The following NTM variants were observed in gnomAD, a reference collection of about 807,000 sequenced individuals.
NTM encodes the protein neurotrimin.
NTM carries 13 observed loss-of-function variants against 42.1 expected under a neutral mutation model. That is an observed-to-expected ratio of 0.31 (90% CI 0.20 to 0.49). NTM has a LOEUF of 0.49. NTM is among the 20% of genes least tolerant of loss of function. The pLI is 0.99. For missense variants in NTM, 373 were observed against 452.8 expected (o/e 0.82, Z 1.60); for synonymous variants, 187 against 179.2 (o/e 1.04, Z -0.35).
intron 4 of NTM, among the ~76,000 whole-genome samples, chr11:132,274,919 T>G (rs1174056451): frequency 6.6e-6 from 1 of 152,168 alleles, no homozygotes; most frequent in Admixed American, 6.5e-5. Flanking sequence ...GATAGTTCTT[T>G]GCCCATTTTC....
intron 1 of NTM, chr11:131,671,665 T>G: frequency 1.9e-5 from 18 of 935,626 alleles, no homozygotes; most frequent in Non-Finnish European, 2.3e-5. Context: ...CTCAGCGGTA[T>G]AGGAAGCAGA....
intron 1 of NTM, among the ~76,000 whole-genome samples, chr11:131,630,159 C>G (rs556712180): frequency 6.6e-6 from 1 of 152,122 alleles, no homozygotes; most frequent in Non-Finnish European, 1.5e-5. Context: ...CAAAGGAGGT[C>G]GGGCCATGGT....
intron 4 of NTM, among the ~76,000 whole-genome samples, chr11:132,304,188 T>C (rs2094983271): frequency 6.6e-6 from 1 of 152,220 alleles, no homozygotes; most frequent in Non-Finnish European, 1.5e-5. Flanking sequence ...GAGCCATTTC[T>C]AGTGTCTGAA....
At chr11:131,932,714 G>A (rs1011253175) in intron 2 of NTM, among the ~76,000 whole-genome samples, 2 of 152,218 alleles carry the variant, frequency 1.3e-5, no homozygotes, top group Non-Finnish European at 2.9e-5. Flanking sequence ...TCATCAGTAT[G>A]TGCTGAAAAG....
At chr11:131,711,205 C>G (rs1033664603) in intron 1 of NTM, among the ~76,000 whole-genome samples, 4 of 152,050 alleles carry the variant, frequency 2.6e-5, no homozygotes, top group Non-Finnish European at 4.4e-5. Context: ...CCTACAAAAT[C>G]GGAGAAAATT....
chr11:131,449,180 G>A (rs7104161), intron 1 of NTM, among the ~76,000 whole-genome samples: 12,377 of 152,232 alleles, frequency 0.081, 569 homozygotes, highest in Middle Eastern at 0.16. Flanking sequence ...CACGGACACC[G>A]TGGCTGGTAA....
At chr11:131,911,777 A>G (rs1280519029) in intron 2 of NTM, 129 bp downstream of exon 2, 3 of 1,157,210 alleles carry the variant, frequency 2.6e-6, no homozygotes, top group African/African-American at 1.5e-5. Flanking sequence ...GGGCTGCACA[A>G]TTTATGGCTG....
chr11:132,023,726 G>A (rs539048194), intron 2 of NTM, among the ~76,000 whole-genome samples: 1 of 152,074 alleles, frequency 6.6e-6, no homozygotes, highest in Non-Finnish European at 1.5e-5. Context: ...TTTTGTTGTT[G>A]TTGTTGGTTT....
chr11:131,787,129 ATAGTTCTCAACCCATTCT>A, intron 1 of NTM, among the ~76,000 whole-genome samples: 1 of 152,186 alleles, frequency 6.6e-6, no homozygotes. Context: ...CCAAGTTAAA[ATAGTTCTCAACCCATTCT>A]AACTTTCAGT....
At chr11:131,789,144 C>T (rs932141213) in intron 1 of NTM, among the ~76,000 whole-genome samples, 8 of 151,896 alleles carry the variant, frequency 5.3e-5, no homozygotes, top group Non-Finnish European at 2.9e-5. Context: ...TCTCAGTCAT[C>T]GCTGGATGTT....
intron 2 of NTM, among the ~76,000 whole-genome samples, chr11:132,000,980 CAT>C (rs906694235): frequency 6.6e-6 from 1 of 152,114 alleles, no homozygotes; most frequent in African/African-American, 2.4e-5. Context: ...TTCCCAGAAA[CAT>C]AGAACAGCGT....
At chr11:132,325,492 G>T (rs909700793) in intron 7 of NTM, among the ~76,000 whole-genome samples, 2 of 152,114 alleles carry the variant, frequency 1.3e-5, no homozygotes, top group African/African-American at 2.4e-5. Context: ...AGTTAGAATG[G>T]CAATCATTAA....
At chr11:131,895,056 T>A (rs146619688) in intron 1 of NTM, among the ~76,000 whole-genome samples, 48 of 152,270 alleles carry the variant, frequency 3.2e-4, no homozygotes, top group African/African-American at 1.1e-3. Context: ...TCAAGTCTTA[T>A]TTCTGGAGGG....
chr11:131,624,167 G>A (rs1352212929), intron 1 of NTM, among the ~76,000 whole-genome samples: 3 of 152,166 alleles, frequency 2.0e-5, no homozygotes, highest in Non-Finnish European at 2.9e-5. Flanking sequence ...TCATAAGGGC[G>A]ATTCTCTGGC....
intron 2 of NTM, among the ~76,000 whole-genome samples, chr11:132,057,334 A>G (rs1394566758): frequency 1.3e-5 from 2 of 152,034 alleles, no homozygotes; most frequent in African/African-American, 4.8e-5. Flanking sequence ...TTTCACTCTC[A>G]GGCATGTTTT....
chr11:132,070,814 G>A (rs2057485358), intron 2 of NTM, among the ~76,000 whole-genome samples: 1 of 142,970 alleles, frequency 7.0e-6, no homozygotes, highest in South Asian at 2.5e-4. Flanking sequence ...TCACAGGTTA[G>A]TTAACACGTC....
At chr11:131,401,011 A>G (rs927263298) in intron 1 of NTM, among the ~76,000 whole-genome samples, 8 of 149,956 alleles carry the variant, frequency 5.3e-5, no homozygotes, top group Non-Finnish European at 7.4e-5. Context: ...ACACACACAC[A>G]GAAATAGAAA....
intron 1 of NTM, among the ~76,000 whole-genome samples, chr11:131,602,553 A>T (rs1347863633): frequency 6.6e-6 from 1 of 152,112 alleles, no homozygotes; most frequent in East Asian, 1.9e-4. Context: ...CCTCTTTGGC[A>T]TTTTAAAATT....
At chr11:131,440,275 G>A (rs184904223) in intron 1 of NTM, among the ~76,000 whole-genome samples, 45 of 151,826 alleles carry the variant, frequency 3.0e-4, no homozygotes, top group African/African-American at 1.0e-3. Flanking sequence ...TCTGTTGAGA[G>A]GTGGGTGCTA....
Sources: gnomAD v4.1 joint callset for allele counts (sites outside exome capture counted in the v4.1 genomes callset) on GRCh38, gnomAD v4.1.1 for gene constraint, MANE v1.5 for transcripts, NCBI Gene and HGNC (gene_info 2026-07-23, HGNC 2026-07-21) for gene names.